The following USP34 variants were observed in gnomAD, a reference collection of about 807,000 sequenced individuals.
USP34 encodes ubiquitin carboxyl-terminal hydrolase 34.
Under a neutral mutation model 460.3 loss-of-function variants are expected in USP34, and 70 were observed. That is an observed-to-expected ratio of 0.15 (90% CI 0.13 to 0.19). The LOEUF is 0.19. Ranked by LOEUF, USP34 falls within the 10% of genes least tolerant of loss-of-function variation. USP34 has a pLI of 1.00. For missense variants in USP34, 3,985 were observed against 4,236.2 expected (o/e 0.94, Z 1.65); for synonymous variants, 1,647 against 1,405.3 (o/e 1.17, Z -3.85).
chr2:61,256,857 G>A lies in USP34; in HGVS notation c.6126+16C>T. On this transcript the variant is annotated intron_variant, in intron 47 of 79. Transcript: ENST00000398571. ...TAAAAGCATAAAGTAAAAAAATTAT[G>A]TGCATTATTACTCACATAAATGTTC... 1.3e-6 allele frequency: 2 copies of A among 1,542,434 alleles called. No individual in the cohort carries two copies. The highest frequency in any genetic ancestry group is 1.7e-6 in the Non-Finnish European group (2 of 1,149,882).
intron 1 of USP34, among the ~76,000 whole-genome samples, chr2:61,426,085 C>A (rs1039138912): frequency 2.6e-5 from 4 of 152,068 alleles, no homozygotes; most frequent in African/African-American, 9.7e-5. Context: ...CCCTGAATAA[C>A]CAGTAGCGAT....
intron 48 of USP34, among the ~76,000 whole-genome samples, chr2:61,254,734 T>C (rs987238038): frequency 4.6e-5 from 7 of 152,222 alleles, no homozygotes; most frequent in African/African-American, 1.4e-4. Flanking sequence ...GGTGGGCGGA[T>C]TGTTTGAGCC....
intron 51 of USP34, among the ~76,000 whole-genome samples, chr2:61,243,125 C>A (rs1268422093): frequency 6.6e-6 from 1 of 151,558 alleles, no homozygotes; most frequent in African/African-American, 2.4e-5. Flanking sequence ...AGATTACAGG[C>A]CTGAGCCACC....
At chr2:61,403,663 A>G (rs1239277335) in intron 3 of USP34, among the ~76,000 whole-genome samples, 1 of 152,102 alleles carries the variant, frequency 6.6e-6, no homozygotes, top group Non-Finnish European at 1.5e-5. Flanking sequence ...TTTCTCCCCC[A>G]CCCAGAGCAG....
intron 1 of USP34, among the ~76,000 whole-genome samples, chr2:61,421,673 C>T (rs915455346): frequency 2.0e-5 from 3 of 152,172 alleles, no homozygotes; most frequent in Non-Finnish European, 4.4e-5. Context: ...CACTGTATCA[C>T]ATTAACGTGA....
intron 2 of USP34, among the ~76,000 whole-genome samples, chr2:61,417,995 C>A (rs1165666563): frequency 3.3e-5 from 5 of 151,712 alleles, no homozygotes; most frequent in African/African-American, 9.7e-5. Flanking sequence ...CCTCCCTGGG[C>A]CTCCCAAAGT....
intron 62 of USP34, among the ~76,000 whole-genome samples, chr2:61,225,211 C>A (rs905950789): frequency 2.6e-5 from 4 of 152,132 alleles, no homozygotes; most frequent in African/African-American, 9.6e-5. Context: ...CAAAACCCTA[C>A]AATTTAATAT....
intron 61 of USP34, among the ~76,000 whole-genome samples, chr2:61,228,111 A>C (rs192620894): frequency 6.6e-6 from 1 of 152,276 alleles, no homozygotes; most frequent in East Asian, 1.9e-4. Context: ...AAACAAATTA[A>C]CTTCTCTAAG....
intron 41 of USP34, among the ~76,000 whole-genome samples, chr2:61,266,437 A>C (rs2103919858): frequency 6.6e-6 from 1 of 152,264 alleles, no homozygotes; most frequent in South Asian, 2.1e-4. Context: ...TATTCCATTA[A>C]GTGATGTAAA....
rs1362593636 is a variant in USP34 at position 61,204,605 on chromosome 2, A to AAAAT, written c.9155-8_9155-5dup. ...AGTACAAGTTCCTTGAGGACATCTG[A>AAAAT]AAATAAAAACAAAGTTTGGGTAGCA... On this transcript the variant is annotated splice_polypyrimidine_tract_variant and splice_region_variant and intron_variant, in intron 72 of 79. Transcript: ENST00000398571. The AAAAT allele has an allele frequency of 6.2e-7, 1 of 1,611,122 alleles. No homozygotes were observed. Among genetic ancestry groups the AAAAT allele is most frequent in the Admixed American group, 1.7e-5 (1 of 59,580 alleles).
intron 1 of USP34, among the ~76,000 whole-genome samples, chr2:61,461,855 G>T (rs1253414131): frequency 6.6e-6 from 1 of 152,170 alleles, no homozygotes; most frequent in East Asian, 1.9e-4. Context: ...AAAGATTTAA[G>T]TAGAAAGATG....
intron 27 of USP34, among the ~76,000 whole-genome samples, chr2:61,303,365 C>A (rs1305449020): frequency 6.6e-6 from 1 of 151,608 alleles, no homozygotes; most frequent in Non-Finnish European, 1.5e-5. Context: ...CACGGCCCAG[C>A]CAGAATATCG....
At chr2:61,417,048 G>C in intron 2 of USP34, 1 of 1,317,032 alleles carries the variant, frequency 7.6e-7, no homozygotes, top group Non-Finnish European at 1.1e-6. Flanking sequence ...TCTGGCAGCC[G>C]GGGAACTTGA....
Position 61,229,550 on chromosome 2 carries a change from A to T in USP34, c.7197T>A (p.Asp2399Glu). 2 of 1,607,880 alleles carry T rather than the reference A, an allele frequency of 1.2e-6. No individual in the cohort carries two copies. The highest frequency in any genetic ancestry group is 1.7e-6 in the Non-Finnish European group (2 of 1,177,044). Reference protein sequence around the residue: ...AHLYLQPGMEDGSDDMDTSVE... With the variant: ...AHLYLQPGMEEGSDDMDTSVE... ...CTTATTCAAAAAGTACTTCTTACCCATCTTCCATTCCTGGCTGCAAATAGA... is the reference window on the plus strand; with the variant it reads ...CTTATTCAAAAAGTACTTCTTACCCTTCTTCCATTCCTGGCTGCAAATAGA... Residue 2399 changes from aspartate (D) to glutamate (E), a missense_variant and splice_region_variant, in exon 59 of 80, where the codon GAT becomes GAA. Around this residue, in one of 14 missense-constraint regions of USP34, gnomAD observed 604 missense variants for 684.8 expected, o/e 0.88. Coordinates refer to ENST00000398571, the MANE Select transcript of USP34 (RefSeq NM_014709.4).
intron 43 of USP34, among the ~76,000 whole-genome samples, chr2:61,262,258 C>T (rs894832052): frequency 5.3e-5 from 8 of 150,446 alleles, no homozygotes; most frequent in Admixed American, 1.3e-4. Flanking sequence ...CCGTGTGTCA[C>T]GTAAGTTTGG....
At chr2:61,233,838 G>A (rs1379394948) in intron 57 of USP34, among the ~76,000 whole-genome samples, 3 of 107,114 alleles carry the variant, frequency 2.8e-5, no homozygotes, top group African/African-American at 9.7e-5. Context: ...CACCCACTCT[G>A]GGGGTAAAAA....
intron 71 of USP34, 88 bp from the exon 72 acceptor site, chr2:61,206,212 G>T: frequency 1.8e-6 from 2 of 1,111,116 alleles, no homozygotes; most frequent in Non-Finnish European, 2.7e-6. Flanking sequence ...GAATGCTAAT[G>T]CTAGAAATTC....
At chr2:61,380,542 C>T (rs936847489) in intron 6 of USP34, among the ~76,000 whole-genome samples, 181 bp from the exon 7 acceptor site, 3 of 152,204 alleles carry the variant, frequency 2.0e-5, no homozygotes, top group African/African-American at 7.2e-5. Flanking sequence ...TGCTGTCCAA[C>T]CTTTCAACAT....
At chr2:61,342,899 T>C (rs371075894) in intron 16 of USP34, among the ~76,000 whole-genome samples, 8 of 152,320 alleles carry the variant, frequency 5.3e-5, no homozygotes, top group African/African-American at 1.9e-4. Flanking sequence ...TTTACAAATA[T>C]GGCATCACAT....
Sources: gnomAD v4.1 joint callset for allele counts (sites outside exome capture counted in the v4.1 genomes callset) on GRCh38, gnomAD v4.1.1 for gene constraint, gnomAD v4.1.1 regional missense constraint, MANE v1.5 for transcripts, NCBI Gene and HGNC (gene_info 2026-07-23, HGNC 2026-07-21) for gene names.